CDH12: variants seen among roughly 807,000 people sequenced by gnomAD.
CDH12 encodes cadherin 12.
Under a neutral mutation model 74.1 loss-of-function variants are expected in CDH12, and 41 were observed. That is an observed-to-expected ratio of 0.55 (90% CI 0.43 to 0.72). The LOEUF (loss-of-function observed/expected upper bound fraction) is 0.72. CDH12 is among the 30% of genes least tolerant of loss of function. The pLI, the probability that CDH12 is intolerant of heterozygous loss-of-function variation, is 0.00. For synonymous variants in CDH12, 399 were observed against 355.0 expected (o/e 1.12, Z -1.39); for missense variants, 945 against 977.2 (o/e 0.97, Z 0.44).
intron 1 of CDH12, among the ~76,000 whole-genome samples, chr5:22,786,935 G>A (rs1184570521): frequency 1.3e-5 from 2 of 152,072 alleles, no homozygotes; most frequent in South Asian, 2.1e-4. Flanking sequence ...GGCCAGGCTG[G>A]TCTCGAACTC....
At chr5:22,687,361 G>A (rs1242581574) in intron 1 of CDH12, among the ~76,000 whole-genome samples, 1 of 151,996 alleles carries the variant, frequency 6.6e-6, no homozygotes, top group East Asian at 1.9e-4. Flanking sequence ...GAATTATGTT[G>A]TTATTATGTT....
chr5:22,064,655 T>A (rs1008952790), intron 5 of CDH12, among the ~76,000 whole-genome samples: 2 of 152,146 alleles, frequency 1.3e-5, no homozygotes, highest in Non-Finnish European at 2.9e-5. Context: ...TTTTGAACAT[T>A]TTTGTCAAAC....
At chr5:22,077,144 T>C (rs1165902558) in intron 5 of CDH12, among the ~76,000 whole-genome samples, 3 of 151,840 alleles carry the variant, frequency 2.0e-5, no homozygotes, top group Non-Finnish European at 4.4e-5. Context: ...CTGATTTGAT[T>C]TGGGGTGACT....
intron 4 of CDH12, among the ~76,000 whole-genome samples, chr5:22,169,894 C>T (rs1748920344): frequency 6.6e-6 from 1 of 151,822 alleles, no homozygotes; most frequent in Non-Finnish European, 1.5e-5. Context: ...GCCATGTGTA[C>T]TGAAAATATA....
chr5:22,178,893 T>C (rs1290673817), intron 4 of CDH12, among the ~76,000 whole-genome samples: 2 of 152,280 alleles, frequency 1.3e-5, no homozygotes, highest in Admixed American at 6.5e-5. Flanking sequence ...CTAAAATGAT[T>C]TGCATTTGAA....
intron 9 of CDH12, among the ~76,000 whole-genome samples, chr5:21,803,951 T>C (rs1747282653): frequency 6.6e-6 from 1 of 152,188 alleles, no homozygotes; most frequent in Non-Finnish European, 1.5e-5. Flanking sequence ...ATGGAATTTA[T>C]TATAACAAAA....
At chr5:21,995,645 A>G (rs1398081874) in intron 5 of CDH12, among the ~76,000 whole-genome samples, 2 of 151,744 alleles carry the variant, frequency 1.3e-5, no homozygotes, top group Non-Finnish European at 1.5e-5. Context: ...TCATAGGCAC[A>G]TACAGGAAGT....
chr5:22,048,039 T>C (rs1479922365), intron 5 of CDH12, among the ~76,000 whole-genome samples: 1 of 152,140 alleles, frequency 6.6e-6, no homozygotes, highest in Non-Finnish European at 1.5e-5. Flanking sequence ...TGGGATACTT[T>C]TGTTTGCAGG....
chr5:22,456,108 TA>T (rs1745257298), intron 2 of CDH12, among the ~76,000 whole-genome samples: 5 of 790 alleles, frequency 6.3e-3, no homozygotes, highest in African/African-American at 0.042. Flanking sequence ...ATGTGGATAT[TA>T]TATATATATA....
intron 4 of CDH12, among the ~76,000 whole-genome samples, chr5:22,147,824 C>T (rs554849581): frequency 7.0e-4 from 106 of 152,232 alleles, no homozygotes; most frequent in Non-Finnish European, 1.2e-3. Context: ...CCCACCAGTT[C>T]CCTCCCACAA....
Position 22,750,423 on chromosome 5 carries a change from C to T in CDH12, c.-523+102635G>A, listed in dbSNP as rs139606001. Among the ~76,000 whole-genome samples the T allele has an allele frequency of 1.2e-4, 18 of 152,088 alleles. No homozygotes were observed. The East Asian group carries it at 1.9e-3, about 16-fold the overall frequency. On this transcript the variant is annotated intron_variant, in intron 1 of 14. Transcript: ENST00000382254. ...AACTGGATTCAATAGGTAAGAACAACGGGCAAAGAATGCAATTAGAAAGCC... is the reference window on the plus strand; with the variant it reads ...AACTGGATTCAATAGGTAAGAACAATGGGCAAAGAATGCAATTAGAAAGCC...
chr5:22,013,667 C>A (rs183468268), intron 5 of CDH12, among the ~76,000 whole-genome samples: 1 of 152,000 alleles, frequency 6.6e-6, no homozygotes. Flanking sequence ...GATTAAGTTC[C>A]CATTTCTTAG....
At chr5:22,255,153 G>T (rs1370296723) in intron 3 of CDH12, among the ~76,000 whole-genome samples, 1 of 151,630 alleles carries the variant, frequency 6.6e-6, no homozygotes, top group East Asian at 1.9e-4. Context: ...ATATTTTTCT[G>T]TTTGCTATTT....
chr5:22,270,828 C>T (rs1043761942), intron 3 of CDH12, among the ~76,000 whole-genome samples: 6 of 151,720 alleles, frequency 4.0e-5, no homozygotes, highest in African/African-American at 9.7e-5. Context: ...CCTGCTACTA[C>T]GAAGCCCAGC....
intron 3 of CDH12, among the ~76,000 whole-genome samples, chr5:22,268,690 A>G (rs1294027910): frequency 6.6e-6 from 1 of 152,144 alleles, no homozygotes; most frequent in African/African-American, 2.4e-5. Context: ...ATAATTATTT[A>G]TCTTGTATTA....
intron 3 of CDH12, among the ~76,000 whole-genome samples, chr5:22,289,247 T>G (rs1315992509): frequency 6.6e-6 from 1 of 151,984 alleles, no homozygotes; most frequent in Non-Finnish European, 1.5e-5. Flanking sequence ...TAATTCAAAA[T>G]AGATAAAATC....
At chr5:22,444,572 A>C (rs2126548289) in intron 2 of CDH12, among the ~76,000 whole-genome samples, 1 of 150,908 alleles carries the variant, frequency 6.6e-6, no homozygotes, top group Non-Finnish European at 1.5e-5. Context: ...GTACAACTTC[A>C]GAAAAGATGT....
chr5:22,045,857 A>C (rs1247246248), intron 5 of CDH12, among the ~76,000 whole-genome samples: 1 of 152,136 alleles, frequency 6.6e-6, no homozygotes, highest in African/African-American at 2.4e-5. Flanking sequence ...AAGAGGGATA[A>C]ATTTTTATGT....
chr5:22,309,998 TG>T (rs1420507028), intron 3 of CDH12, among the ~76,000 whole-genome samples: 1 of 1,266 alleles, frequency 7.9e-4, no homozygotes, highest in Non-Finnish European at 1.6e-3. Context: ...TGGGGGCTGT[TG>T]GGGGGTGGGG....
Sources: gnomAD v4.1 joint callset for allele counts (sites outside exome capture counted in the v4.1 genomes callset) on GRCh38, gnomAD v4.1.1 for gene constraint, MANE v1.5 for transcripts, NCBI Gene and HGNC (gene_info 2026-07-23, HGNC 2026-07-21) for gene names.